Variants in CELA3B observed in about 807,000 individuals in gnomAD.
CELA3B encodes the protein chymotrypsin-like elastase family member 3B.
In CELA3B, 34 loss-of-function variants were observed where a neutral mutation model predicts 37.2. The ratio of observed to expected loss-of-function variants is 0.91; its 90% CI spans 0.70 to 1.22. The LOEUF is 1.22. Among genes scored for constraint, CELA3B ranks in the 50% most tolerant of loss-of-function variants. The pLI is 0.00. For synonymous variants in CELA3B, 127 were observed against 143.5 expected (o/e 0.89, Z 0.82); for missense variants, 340 against 363.1 (o/e 0.94, Z 0.52).
chr1:21,986,298 G>T (rs1644838381), intron 6 of CELA3B, among the ~76,000 whole-genome samples: 1 of 151,862 alleles, frequency 6.6e-6, no homozygotes, highest in Admixed American at 6.6e-5. Context: ...GAACCTGGGA[G>T]CCGGGAGACG....
In CELA3B at chr1:21,998,273, T is replaced by C. The variant is rs572565735; in HGVS notation, c.*84T>C. On this transcript the variant is annotated 3_prime_UTR_variant, in exon 5 of 5. Coordinates refer to the CELA3B transcript ENST00000400277. ...TAGGAAAGGACAATTTGAACTTTGT[T>C]TGAGCTCATATTTTCCAATCCCATC... The C allele has an allele frequency of 4.6e-4, 211 of 458,976 alleles. 8 individuals are homozygous for C. Among genetic ancestry groups the C allele is most frequent in the African/African-American group, 3.0e-3 (147 of 49,254 alleles). 28.4% of individuals were successfully genotyped at this position (458,976 alleles called of 1,614,324 possible).
At chr1:21,977,566 T>A (rs907882443) in intron 1 of CELA3B, among the ~76,000 whole-genome samples, 20 of 152,210 alleles carry the variant, frequency 1.3e-4, no homozygotes, top group Non-Finnish European at 2.2e-4. Context: ...GAGTGCTTAC[T>A]ATGCCAGGCA....
At chr1:21,983,219 G>T (rs532088202) in intron 4 of CELA3B, among the ~76,000 whole-genome samples, 9 of 152,244 alleles carry the variant, frequency 5.9e-5, no homozygotes, top group Non-Finnish European at 1.0e-4. Flanking sequence ...GCCAAGCGTG[G>T]TGGCATGTAC....
At chr1:21,980,672 C>T (rs1644798525) in intron 2 of CELA3B, 152 bp from the exon 3 acceptor site, 1 of 612,134 alleles carries the variant, frequency 1.6e-6, no homozygotes, top group African/African-American at 1.9e-5. Context: ...GCCCAGGTCG[C>T]AGGTTGTATG....
At chr1:21,986,793 A>G in intron 7 of CELA3B, 110 bp downstream of exon 7, 1 of 1,248,844 alleles carries the variant, frequency 8.0e-7, no homozygotes, top group East Asian at 2.5e-5. Context: ...CTAGAAGCTC[A>G]GTGGGGAAGG....
At chr1:21,985,402 C>G (rs1016060435) in intron 6 of CELA3B, among the ~76,000 whole-genome samples, 1 of 151,964 alleles carries the variant, frequency 6.6e-6, no homozygotes, top group African/African-American at 2.4e-5. Flanking sequence ...GTCAGCCTCC[C>G]AAGCAGCCAA....
chr1:21,981,720 A>G (rs7542953), intron 4 of CELA3B, among the ~76,000 whole-genome samples: 136,671 of 151,192 alleles, frequency 0.9, 62,571 homozygotes, highest in Non-Finnish European at 0.98. Context: ...TCAAGTGTAC[A>G]AAAAATTCTT....
At chr1:21,992,075 A>G (rs558485672), downstream of CELA3B, among the ~76,000 whole-genome samples, 636 of 150,332 alleles carry the variant, frequency 4.2e-3, 13 homozygotes, top group Non-Finnish European at 6.6e-3. Flanking sequence ...AGCTGAGATC[A>G]TGCCATTGCA....
At chr1:21,989,766 C>T (rs1398087007), downstream of CELA3B, among the ~76,000 whole-genome samples, 1 of 150,832 alleles carries the variant, frequency 6.6e-6, no homozygotes, top group Non-Finnish European at 1.5e-5. Context: ...GGGCTGGGGG[C>T]TTTGGTTATT....
chr1:21,994,980 C>A (rs1278146712), intron 4 of CELA3B, among the ~76,000 whole-genome samples: 1 of 110,028 alleles, frequency 9.1e-6, no homozygotes, highest in Non-Finnish European at 1.7e-5. Context: ...CCAGCCTGGG[C>A]GACAGAGTGA....
chr1:21,986,481 C>T, intron 6 of CELA3B, 50 bp from the exon 7 acceptor site: 1 of 1,603,826 alleles, frequency 6.2e-7, no homozygotes, highest in South Asian at 1.1e-5. Flanking sequence ...GAACCAGTTC[C>T]ATAAACCTCA....
At chr1:21,977,345 G>C (rs1644778521) in intron 1 of CELA3B, among the ~76,000 whole-genome samples, 2 of 152,154 alleles carry the variant, frequency 1.3e-5, no homozygotes, top group South Asian at 4.1e-4. Flanking sequence ...AAACGGTTAA[G>C]AGTTTGGGCT....
chr1:21,995,635 G>A (rs573215259), intron 4 of CELA3B, among the ~76,000 whole-genome samples: 1 of 150,896 alleles, frequency 6.6e-6, no homozygotes, highest in South Asian at 2.1e-4. Context: ...TGACCTGGAG[G>A]AGCCATTTCA....
downstream of CELA3B, among the ~76,000 whole-genome samples, chr1:21,992,013 A>G (rs139497162): frequency 0.011 from 1,621 of 150,986 alleles, 96 homozygotes; most frequent in African/African-American, 0.038. Context: ...CCAGCTACTC[A>G]GGAGGCTGAG....
intron 4 of CELA3B, among the ~76,000 whole-genome samples, chr1:21,981,621 G>A (rs1428559782): frequency 6.6e-6 from 1 of 152,016 alleles, no homozygotes; most frequent in Non-Finnish European, 1.5e-5. Context: ...GGCCTTCTCT[G>A]GGCCTTAGTT....
At chr1:21,985,913 A>T (rs1316762366) in intron 6 of CELA3B, among the ~76,000 whole-genome samples, 1 of 9,088 alleles carries the variant, frequency 1.1e-4, no homozygotes, top group East Asian at 4.4e-4. Flanking sequence ...AATACTATCA[A>T]ATACCCTCGT....
At chr1:21,997,344 T>C (rs1368534587) in intron 4 of CELA3B, among the ~76,000 whole-genome samples, 1 of 39,188 alleles carries the variant, frequency 2.6e-5, no homozygotes, top group Non-Finnish European at 4.9e-5. Flanking sequence ...CTGGCACGAC[T>C]CATCTCAAAA....
intron 4 of CELA3B, among the ~76,000 whole-genome samples, chr1:21,981,989 T>C (rs1481857659): frequency 6.6e-6 from 1 of 152,062 alleles, no homozygotes; most frequent in Non-Finnish European, 1.5e-5. Flanking sequence ...CCTCCCAAAG[T>C]GCTAGGATTA....
chr1:21,979,673 C>A lies in CELA3B; in HGVS notation c.130-1151C>A, dbSNP rs1003026701. On this transcript the variant is annotated intron_variant, in intron 2 of 7. Coordinates refer to ENST00000337107, the MANE Select transcript of CELA3B (RefSeq NM_007352.4). ...CTCACTATGTTGCCCAGGCTTGCCT[C>A]GAACTTCTGAGCTCCAGTGATCCTC... 2.7e-5 allele frequency among the ~76,000 whole-genome samples: 4 copies of A among 150,860 alleles called. No individual in the cohort carries two copies. The South Asian group carries it at 8.4e-4, about 32-fold the overall frequency.
Sources: allele counts gnomAD v4.1 joint callset (sites outside exome capture counted in the v4.1 genomes callset), GRCh38; gene constraint gnomAD v4.1.1; transcripts MANE v1.5; gene names NCBI Gene and HGNC (gene_info 2026-07-23, HGNC 2026-07-21).